Variants in ANO3 observed in about 807,000 individuals in gnomAD.
The protein encoded by ANO3 is anoctamin-3.
Under a neutral mutation model 144.8 loss-of-function variants are expected in ANO3, and 99 were observed. That is an observed-to-expected ratio of 0.68 (90% CI 0.58 to 0.81). The LOEUF (loss-of-function observed/expected upper bound fraction) is 0.81. ANO3 is among the 30% of genes least tolerant of loss of function. The pLI is 0.00. For missense variants in ANO3, 905 were observed against 1,202.2 expected, an observed-to-expected ratio of 0.75 and a Z score of 3.66; for synonymous variants, 414 against 392.6, an observed-to-expected ratio of 1.05 and a Z score of -0.64.
chr11:26,621,050 A>G (rs1420064565), intron 17 of ANO3, among the ~76,000 whole-genome samples: 1 of 152,222 alleles, frequency 6.6e-6, no homozygotes, highest in Non-Finnish European at 1.5e-5. Context: ...TTCACAGTGA[A>G]GGCTGTATTG....
At chr11:26,211,728 T>G (rs1253210493) in intron 1 of ANO3, among the ~76,000 whole-genome samples, 3 of 152,294 alleles carry the variant, frequency 2.0e-5, no homozygotes, top group Non-Finnish European at 4.4e-5. Context: ...CCCAGAGGAT[T>G]ATAAATCATT....
At chr11:26,397,659 G>T (rs979684152) in intron 1 of ANO3, among the ~76,000 whole-genome samples, 1 of 151,954 alleles carries the variant, frequency 6.6e-6, no homozygotes, top group East Asian at 1.9e-4. Context: ...GGTGATTGGC[G>T]TATTCATCTT....
chr11:26,586,094 C>T (rs79232311), intron 14 of ANO3, among the ~76,000 whole-genome samples: 20,347 of 152,144 alleles, frequency 0.13, 1,687 homozygotes, highest in South Asian at 0.18. Context: ...AGCACAACTG[C>T]TTATTCTCTA....
rs1472939884 is a variant in ANO3, at chr11:26,474,061, T to C, written c.432+10913T>C. ...ACACTGAAGAGTGCTTTAAAGAAGATTGTCATTTGAGACTGTTGTCAGCAA... is the reference window on the plus strand; with the variant it reads ...ACACTGAAGAGTGCTTTAAAGAAGACTGTCATTTGAGACTGTTGTCAGCAA... On this transcript the variant is annotated intron_variant, in intron 4 of 26. Coordinates refer to ENST00000256737, the MANE Select transcript of ANO3 (RefSeq NM_031418.4). 4 of 985,076 alleles carry C rather than the reference T, an allele frequency of 4.1e-6. No homozygotes were observed. The African/African-American group carries it at 7.0e-5, about 17-fold the overall frequency. The allele number at this position is 985,076 out of a possible 1,614,324, so 61.0% of individuals were successfully genotyped here. A position where few individuals can be genotyped will look rare whatever the true frequency, so the allele number is the denominator to read the frequency against.
At chr11:26,417,263 G>A (rs1292806012) in intron 1 of ANO3, among the ~76,000 whole-genome samples, 4 of 151,944 alleles carry the variant, frequency 2.6e-5, no homozygotes, top group Admixed American at 2.0e-4. Flanking sequence ...ATTCATAATC[G>A]CAAAAAGACT....
At chr11:26,405,095 A>G (rs1857246771) in intron 1 of ANO3, among the ~76,000 whole-genome samples, 1 of 151,666 alleles carries the variant, frequency 6.6e-6, no homozygotes, top group Non-Finnish European at 1.5e-5. Flanking sequence ...TAGCCATTTA[A>G]AAAATGTTAC....
At chr11:26,498,309 T>A (rs994064885) in intron 4 of ANO3, among the ~76,000 whole-genome samples, 1 of 151,872 alleles carries the variant, frequency 6.6e-6, no homozygotes, top group Non-Finnish European at 1.5e-5. Context: ...TACCATTTTA[T>A]GATTCACAGA....
chr11:26,309,784 C>A, intron 1 of ANO3: 14 of 830,604 alleles, frequency 1.7e-5, no homozygotes, highest in Non-Finnish European at 1.9e-5. Flanking sequence ...AATGTGGTAG[C>A]AACTCCAGAG....
At chr11:26,316,894 G>T (rs1854638916) in intron 1 of ANO3, among the ~76,000 whole-genome samples, 1 of 152,142 alleles carries the variant, frequency 6.6e-6, no homozygotes, top group Non-Finnish European at 1.5e-5. Flanking sequence ...ACCTTGCATT[G>T]TCTTTACACA....
chr11:26,282,360 T>C (rs1853699112), intron 1 of ANO3, among the ~76,000 whole-genome samples: 1 of 152,034 alleles, frequency 6.6e-6, no homozygotes, highest in African/African-American at 2.4e-5. Flanking sequence ...AATTTATCTC[T>C]TATTGTTGGT....
rs1414089263 is a variant in ANO3, at chr11:26,350,156, T to C, written c.46+17835T>C. Among the ~76,000 whole-genome samples, 4 of 152,226 alleles carry C rather than the reference T, an allele frequency of 2.6e-5. No homozygotes were observed. The South Asian group carries it at 6.2e-4, about 24-fold the overall frequency. On this transcript the variant is annotated intron_variant, in intron 1 of 26. Coordinates refer to ENST00000256737, the MANE Select transcript of ANO3 (RefSeq NM_031418.4). ...CAAATTTTAGAAGCCAATTCAACTA[T>C]TGATACCAGGAACTCAATTTCCGAA...
At chr11:26,246,995 T>A (rs965074984) in intron 1 of ANO3, among the ~76,000 whole-genome samples, 34 of 152,190 alleles carry the variant, frequency 2.2e-4, no homozygotes, top group Non-Finnish European at 4.1e-4. Context: ...AAAACAATAA[T>A]ATATAAAATA....
intron 1 of ANO3, among the ~76,000 whole-genome samples, chr11:26,251,695 G>T (rs12224848): frequency 0.018 from 2,803 of 152,234 alleles, 69 homozygotes; most frequent in East Asian, 0.13. Flanking sequence ...CTGCATGGCT[G>T]GGGAGGCCTC....
At chr11:26,495,018 A>T (rs1181269567) in intron 4 of ANO3, among the ~76,000 whole-genome samples, 1 of 152,168 alleles carries the variant, frequency 6.6e-6, no homozygotes, top group Non-Finnish European at 1.5e-5. Context: ...CTGGAGCCAT[A>T]AATAATCTTA....
chr11:26,475,736 CTAAT>C (rs1419790928), intron 4 of ANO3, among the ~76,000 whole-genome samples: 3 of 151,988 alleles, frequency 2.0e-5, no homozygotes, highest in African/African-American at 7.2e-5. Context: ...AGAATTATCA[CTAAT>C]TATTAAATTA....
chr11:26,292,663 G>T (rs570824703), intron 1 of ANO3, among the ~76,000 whole-genome samples: 1 of 152,284 alleles, frequency 6.6e-6, no homozygotes, highest in South Asian at 2.1e-4. Context: ...CCTTCTAACA[G>T]TTAGGACCCT....
At chr11:26,510,359 C>T (rs1861616497) in intron 5 of ANO3, among the ~76,000 whole-genome samples, 1 of 151,922 alleles carries the variant, frequency 6.6e-6, no homozygotes, top group African/African-American at 2.4e-5. Context: ...GGAAGTTTAA[C>T]CCAGAATATT....
At chr11:26,408,615 C>T (rs1857350741) in intron 1 of ANO3, among the ~76,000 whole-genome samples, 2 of 148,950 alleles carry the variant, frequency 1.3e-5, no homozygotes, top group Non-Finnish European at 3.0e-5. Context: ...CCCAGCCATC[C>T]CATTACTGGG....
intron 1 of ANO3, among the ~76,000 whole-genome samples, chr11:26,384,717 G>T (rs1281101844): frequency 6.6e-6 from 1 of 152,070 alleles, no homozygotes; most frequent in East Asian, 1.9e-4. Flanking sequence ...TTTTCACCTA[G>T]ACTAATGCAG....
Sources: allele counts gnomAD v4.1 joint callset (sites outside exome capture counted in the v4.1 genomes callset), GRCh38; gene constraint gnomAD v4.1.1; transcripts MANE v1.5; gene names NCBI Gene and HGNC (gene_info 2026-07-23, HGNC 2026-07-21).